ANKRD44: variants seen among roughly 807,000 people sequenced by gnomAD.
ANKRD44 encodes ankyrin repeat domain 44, also known as serine/threonine-protein phosphatase 6 regulatory ankyrin repeat subunit B.
ANKRD44 carries 35 observed loss-of-function variants against 116.0 expected under a neutral mutation model. The ratio of observed to expected loss-of-function variants is 0.30; its 90% CI spans 0.23 to 0.40. ANKRD44 has a LOEUF of 0.40. Ranked by LOEUF, ANKRD44 falls within the 10% of genes least tolerant of loss-of-function variation. ANKRD44 has a pLI of 1.00. For synonymous variants in ANKRD44, 435 were observed against 461.8 expected, an observed-to-expected ratio of 0.94 and a Z score of 0.74; for missense variants, 1,014 against 1,242.6, an observed-to-expected ratio of 0.82 and a Z score of 2.77.
intron 1 of ANKRD44, among the ~76,000 whole-genome samples, chr2:197,232,113 T>C (rs1363289089): frequency 1.3e-5 from 2 of 152,188 alleles, no homozygotes; most frequent in Admixed American, 1.3e-4. Context: ...ATCTAGTTTG[T>C]TCTTAAGAAA....
intron 8 of ANKRD44, among the ~76,000 whole-genome samples, chr2:197,117,396 C>G (rs1308370759): frequency 6.6e-6 from 1 of 152,220 alleles, no homozygotes; most frequent in Non-Finnish European, 1.5e-5. Flanking sequence ...TGCGCCACCA[C>G]ACCCAGCTAA....
At chr2:197,154,035 T>C (rs1025679512) in intron 2 of ANKRD44, among the ~76,000 whole-genome samples, 7 of 152,126 alleles carry the variant, frequency 4.6e-5, no homozygotes, top group African/African-American at 1.7e-4. Flanking sequence ...TGGATTAGGG[T>C]ACACACACAC....
At chr2:197,132,699 C>T (rs958689247) in intron 4 of ANKRD44, among the ~76,000 whole-genome samples, 2 of 152,036 alleles carry the variant, frequency 1.3e-5, no homozygotes, top group Non-Finnish European at 2.9e-5. Context: ...TTATTACCAT[C>T]AACATTCTGA....
chr2:197,096,091 G>T (rs1008920737), intron 10 of ANKRD44, among the ~76,000 whole-genome samples: 1 of 152,124 alleles, frequency 6.6e-6, no homozygotes, highest in African/African-American at 2.4e-5. Context: ...TGCTTCTCTA[G>T]TCTTGTGAGA....
downstream of ANKRD44, among the ~76,000 whole-genome samples, chr2:196,983,944 T>C (rs1220808938): frequency 1.3e-5 from 2 of 152,214 alleles, no homozygotes; most frequent in Non-Finnish European, 1.5e-5. Flanking sequence ...AACAAAGGAA[T>C]TAAAGATGCC....
At chr2:197,021,993 T>C (rs2076506501) in intron 17 of ANKRD44, among the ~76,000 whole-genome samples, 1 of 152,202 alleles carries the variant, frequency 6.6e-6, no homozygotes, top group Non-Finnish European at 1.5e-5. Context: ...GAGGATGAAA[T>C]GCTTATGAAA....
At chr2:197,111,794 A>G (rs1339765747) in intron 8 of ANKRD44, among the ~76,000 whole-genome samples, 1 of 151,864 alleles carries the variant, frequency 6.6e-6, no homozygotes, top group Non-Finnish European at 1.5e-5. Context: ...AGAAAAAAAC[A>G]AAACCATAAT....
At chr2:197,259,224 G>A (rs1460589746) in intron 1 of ANKRD44, among the ~76,000 whole-genome samples, 2 of 152,214 alleles carry the variant, frequency 1.3e-5, no homozygotes, top group African/African-American at 4.8e-5. Context: ...ACCCAGGGAT[G>A]CAAATTTGGG....
intron 2 of ANKRD44, among the ~76,000 whole-genome samples, chr2:197,149,437 A>G (rs2079584251): frequency 1.3e-5 from 2 of 152,184 alleles, no homozygotes; most frequent in Non-Finnish European, 2.9e-5. Flanking sequence ...CTATAACATA[A>G]AAAGGGTGTG....
chr2:197,157,314 T>C (rs2079843677), intron 2 of ANKRD44, among the ~76,000 whole-genome samples: 7 of 152,092 alleles, frequency 4.6e-5, no homozygotes, highest in Admixed American at 4.6e-4. Flanking sequence ...CCTGGTTATG[T>C]GTGGATGTAA....
intron 16 of ANKRD44, among the ~76,000 whole-genome samples, chr2:197,026,112 T>C (rs1299382438): frequency 6.7e-6 from 1 of 150,202 alleles, no homozygotes; most frequent in East Asian, 2.0e-4. Flanking sequence ...GATTCAATCC[T>C]AATAAATAGA....
Position 197,214,368 on chromosome 2 carries a change from T to C in ANKRD44, c.28-27262A>G, listed in dbSNP as rs771156699. 3.3e-5 allele frequency among the ~76,000 whole-genome samples: 5 copies of C among 152,144 alleles called. No individual in the cohort carries two copies. The East Asian group carries it at 5.8e-4, about 18-fold the overall frequency. On this transcript the variant is annotated intron_variant, in intron 1 of 27. Transcript: ENST00000282272. ...TTAAGTGACAATTTAAAAAAAACAG[T>C]AAACAAAACTATATCCAAGGCCTAG... is the stretch of plus-strand genomic sequence containing the variant.
In ANKRD44 at chr2:196,986,756, G is replaced by C; in HGVS notation, c.*2835C>G. The C allele has an allele frequency of 1.0e-6, 1 of 983,432 alleles. No homozygotes were observed. Among genetic ancestry groups the C allele is most frequent in the Non-Finnish European group, 1.2e-6 (1 of 828,172 alleles). 60.9% of individuals were successfully genotyped at this position (983,432 alleles called of 1,614,324 possible). A position where few individuals can be genotyped will look rare whatever the true frequency, so the allele number is the denominator to read the frequency against. The stretch of plus-strand genomic sequence containing the variant: ...AGTTAAGTACTTCATTACGTTATTA[G>C]AGCATTCAGTAGTTGCAAAAGTATT... On this transcript the variant is annotated 3_prime_UTR_variant, in exon 28 of 28. Coordinates refer to ENST00000282272, the MANE Select transcript of ANKRD44 (RefSeq NM_001195144.2).
chr2:197,090,127 C>A, intron 10 of ANKRD44, 95 bp from the exon 11 acceptor site: 1 of 946,732 alleles, frequency 1.1e-6, no homozygotes, highest in Admixed American at 1.9e-5. Flanking sequence ...TGAAAATTAA[C>A]AACACCTTGT....
intron 16 of ANKRD44, among the ~76,000 whole-genome samples, chr2:197,031,768 CTTTGTG>C (rs2076712502): frequency 6.6e-6 from 1 of 151,874 alleles, no homozygotes; most frequent in South Asian, 2.1e-4. Flanking sequence ...GTATGAGACA[CTTTGTG>C]TTTGTTTCTT....
intron 1 of ANKRD44, among the ~76,000 whole-genome samples, chr2:197,298,127 T>G (rs1203992500): frequency 6.6e-6 from 1 of 152,244 alleles, no homozygotes; most frequent in Non-Finnish European, 1.5e-5. Context: ...CTACTTCCTG[T>G]TCAGGTAAGA....
At chr2:197,156,141 T>G (rs2079806036) in intron 2 of ANKRD44, among the ~76,000 whole-genome samples, 1 of 151,964 alleles carries the variant, frequency 6.6e-6, no homozygotes, top group Admixed American at 6.5e-5. Flanking sequence ...GGTCAGGAGA[T>G]CAAGATCATC....
At chr2:197,279,834 T>C (rs1392009673) in intron 1 of ANKRD44, among the ~76,000 whole-genome samples, 1 of 152,144 alleles carries the variant, frequency 6.6e-6, no homozygotes, top group Non-Finnish European at 1.5e-5. Flanking sequence ...TTGGGATTGA[T>C]TTATTTCCAT....
chr2:197,232,754 T>C (rs754707474), intron 1 of ANKRD44, among the ~76,000 whole-genome samples: 1 of 152,158 alleles, frequency 6.6e-6, no homozygotes, highest in African/African-American at 2.4e-5. Flanking sequence ...CGAGGCTCCT[T>C]GCCTGGCTTT....
Sources: gnomAD v4.1 joint callset for allele counts (sites outside exome capture counted in the v4.1 genomes callset) on GRCh38, gnomAD v4.1.1 for gene constraint, MANE v1.5 for transcripts, NCBI Gene and HGNC (gene_info 2026-07-23, HGNC 2026-07-21) for gene names.